BRF1: variants seen among roughly 807,000 people sequenced by gnomAD.
BRF1 encodes the protein transcription factor IIIB 90 kDa subunit.
BRF1 carries 59 observed loss-of-function variants against 81.7 expected under a neutral mutation model. The observed-to-expected ratio is 0.72, with a 90% confidence interval of 0.59 to 0.90. BRF1 has a LOEUF of 0.90. BRF1 is among the 40% of genes least tolerant of loss of function. BRF1 has a pLI of 0.00. For synonymous variants in BRF1, 491 were observed against 395.6 expected (o/e 1.24, Z -2.86); for missense variants, 1,050 against 936.3 (o/e 1.12, Z -1.58).
chr14:105,263,485 A>C (rs779249267), intron 3 of BRF1, among the ~76,000 whole-genome samples: 25 of 152,132 alleles, frequency 1.6e-4, no homozygotes, highest in Non-Finnish European at 2.2e-4. Context: ...CTGAAAGGCA[A>C]AAGAGCCGAG....
rs1050699447 is a variant in BRF1, at chr14:105,209,775, C to CG, written c.*775dup. On this transcript the variant is annotated 3_prime_UTR_variant, in exon 18 of 18. Coordinates refer to ENST00000547530, the MANE Select transcript of BRF1 (RefSeq NM_001519.4). Reference sequence around the variant, plus strand: ...ACTGCCTACAGAGCTATGCTCAGGACGGGTGGGCGCCGGTCTCAGCTGTCG... The same window carrying CG: ...ACTGCCTACAGAGCTATGCTCAGGACGGGGTGGGCGCCGGTCTCAGCTGTCG... 7.3e-6 allele frequency: 4 copies of CG among 545,718 alleles called. No individual in the cohort carries two copies. Among genetic ancestry groups the CG allele is most frequent in the Middle Eastern group, 4.8e-4 (1 of 2,094 alleles). 33.8% of individuals were successfully genotyped at this position (545,718 alleles called of 1,614,324 possible). A position where few individuals can be genotyped will look rare whatever the true frequency, so the allele number is the denominator to read the frequency against.
At chr14:105,212,437 A>T (rs1410578712) in intron 15 of BRF1, 1 of 442,078 alleles carries the variant, frequency 2.3e-6, no homozygotes, top group African/African-American at 2.0e-5. Flanking sequence ...CTCCCCTTCC[A>T]ACAGTGCCTG....
chr14:105,219,464 C>T, intron 12 of BRF1: 3 of 866,698 alleles, frequency 3.5e-6, no homozygotes, highest in Non-Finnish European at 5.1e-6. Context: ...GTGAGACCCC[C>T]TAGGGCAGCT....
chr14:105,264,425 G>A (rs1165817053), intron 3 of BRF1, among the ~76,000 whole-genome samples: 1 of 151,874 alleles, frequency 6.6e-6, no homozygotes, highest in Admixed American at 6.6e-5. Context: ...AGCACTTTGG[G>A]AGGCCGAGGT....
chr14:105,255,179 T>TGCCCTG (rs1470741360), intron 4 of BRF1, among the ~76,000 whole-genome samples: 2 of 152,230 alleles, frequency 1.3e-5, no homozygotes, highest in Non-Finnish European at 2.9e-5. Flanking sequence ...CCGGAGCAGC[T>TGCCCTG]GCCCTGGCCC....
intron 2 of BRF1, among the ~76,000 whole-genome samples, chr14:105,281,289 G>A (rs2057087921): frequency 6.9e-6 from 1 of 144,266 alleles, no homozygotes; most frequent in Non-Finnish European, 1.5e-5. Context: ...TGTGGATACA[G>A]CCTGTGTGAT....
intron 3 of BRF1, among the ~76,000 whole-genome samples, chr14:105,259,635 A>T (rs1312622714): frequency 6.6e-6 from 1 of 152,134 alleles, no homozygotes; most frequent in Non-Finnish European, 1.5e-5. Flanking sequence ...TGTCCACCGG[A>T]CACGGGGCTC....
intron 5 of BRF1, among the ~76,000 whole-genome samples, chr14:105,244,909 G>A (rs1036276515): frequency 2.0e-5 from 3 of 151,486 alleles, no homozygotes; most frequent in Non-Finnish European, 4.4e-5. Context: ...ATATATTTCA[G>A]GTAACAGCAC....
chr14:105,226,550 C>G (rs1893130372), intron 8 of BRF1, 84 bp downstream of exon 8: 1 of 1,591,646 alleles, frequency 6.3e-7, no homozygotes, highest in East Asian at 2.2e-5. Context: ...ATGGCACCAG[C>G]TCTGCTACAA....
chr14:105,250,765 C>CT (rs1207118524), intron 5 of BRF1: 14 of 1,274,776 alleles, frequency 1.1e-5, no homozygotes, highest in Non-Finnish European at 1.3e-5. Context: ...CTGCTCTTAA[C>CT]TTTGTCTCTC....
intron 2 of BRF1, among the ~76,000 whole-genome samples, chr14:105,274,513 C>A (rs1450835189): frequency 6.6e-6 from 1 of 152,158 alleles, no homozygotes; most frequent in Non-Finnish European, 1.5e-5. Context: ...GAGGCCACTG[C>A]GCCCTCCTAG....
Position 105,286,304 on chromosome 14 carries a change from A to G in BRF1, c.257T>C (p.Leu86Pro). 6.2e-7 allele frequency: 1 copy of G among 1,613,180 alleles called. No individual in the cohort carries two copies. The highest frequency in any genetic ancestry group is 8.5e-7 in the Non-Finnish European group (1 of 1,179,706). ...NLGKESRAQT[L>P]QNGRRHIHHL... ...TCCGCGGTGGGAAATACCATTCTGCAGGGTCTGCGCTCTCGACTCCTTCCC... is the reference window on the plus strand; with the variant it reads ...TCCGCGGTGGGAAATACCATTCTGCGGGGTCTGCGCTCTCGACTCCTTCCC... The change falls in exon 2 of 18, where the codon CTG becomes CCG. Residue 86 changes from leucine to proline, a missense_variant. Leu to Pro is a moderately conservative substitution (Grantham distance 98, BLOSUM62 -3). Transcript: ENST00000547530.
intron 15 of BRF1, among the ~76,000 whole-genome samples, chr14:105,214,837 G>A (rs756048711): frequency 2.0e-5 from 3 of 152,054 alleles, no homozygotes; most frequent in African/African-American, 7.2e-5. Flanking sequence ...CCCTCCCCAC[G>A]TCGGAGCCTC....
chr14:105,226,365 G>C (rs1170525851), intron 8 of BRF1, 75 bp from the exon 9 acceptor site: 1 of 1,586,250 alleles, frequency 6.3e-7, no homozygotes, highest in South Asian at 1.1e-5. Context: ...GTGCCGCGTG[G>C]GCCCCAGGGA....
intron 2 of BRF1, among the ~76,000 whole-genome samples, chr14:105,282,790 G>A (rs1238033137): frequency 3.3e-5 from 5 of 152,026 alleles, no homozygotes; most frequent in Admixed American, 1.3e-4. Context: ...AAAATTAGCC[G>A]GGCGTGATGG....
chr14:105,215,333 TTGCATGCACACACAC>T (rs1890936281), intron 15 of BRF1, among the ~76,000 whole-genome samples: 1 of 152,074 alleles, frequency 6.6e-6, no homozygotes, highest in South Asian at 2.1e-4. Flanking sequence ...GGTACACATG[TTGCATGCACACACAC>T]TGCATGCACA....
At chr14:105,226,872 C>T (rs767229119) in intron 7 of BRF1, 112 bp from the exon 8 acceptor site, 26 of 1,537,230 alleles carry the variant, frequency 1.7e-5, no homozygotes, top group Admixed American at 7.4e-5. Context: ...GCTTTGGGAG[C>T]CCAAGGTGGG....
intron 10 of BRF1, among the ~76,000 whole-genome samples, chr14:105,225,306 C>T (rs1892910254): frequency 6.6e-6 from 1 of 152,208 alleles, no homozygotes; most frequent in Non-Finnish European, 1.5e-5. Flanking sequence ...CCACAACCAA[C>T]CAAATGGATC....
At chr14:105,289,396 G>C (rs2057432928) in intron 1 of BRF1, among the ~76,000 whole-genome samples, 1 of 152,214 alleles carries the variant, frequency 6.6e-6, no homozygotes, top group Non-Finnish European at 1.5e-5. Flanking sequence ...GTCTCCTTGT[G>C]GGGGCTGGAG....
Sources: allele counts gnomAD v4.1 joint callset (sites outside exome capture counted in the v4.1 genomes callset), GRCh38; gene constraint gnomAD v4.1.1; transcripts MANE v1.5; gene names NCBI Gene and HGNC (gene_info 2026-07-23, HGNC 2026-07-21).